Variants in NCKAP5 observed in about 807,000 individuals in gnomAD.
NCKAP5 encodes nck-associated protein 5.
A neutral mutation model predicts 167.0 loss-of-function variants in NCKAP5; 92 were observed. The ratio of observed to expected loss-of-function variants is 0.55; its 90% CI spans 0.47 to 0.66. NCKAP5 has a LOEUF of 0.66. Ranked by LOEUF, NCKAP5 falls within the 30% of genes least tolerant of loss-of-function variation. The pLI is 0.00. For synonymous variants in NCKAP5, 891 were observed against 877.4 expected (o/e 1.02, Z -0.27); for missense variants, 2,378 against 2,315.0 (o/e 1.03, Z -0.56).
chr2:133,084,335 C>T (rs1008404416), intron 6 of NCKAP5, among the ~76,000 whole-genome samples: 1 of 152,140 alleles, frequency 6.6e-6, no homozygotes, highest in Non-Finnish European at 1.5e-5. Context: ...TAGAAGTATT[C>T]ACCATGTGCA....
intron 6 of NCKAP5, among the ~76,000 whole-genome samples, chr2:133,115,128 T>A (rs2082029724): frequency 6.6e-6 from 1 of 152,116 alleles, no homozygotes; most frequent in South Asian, 2.1e-4. Context: ...CCCCTAAAGG[T>A]TTTCCTGGGG....
At chr2:132,719,968 G>C (rs778473426) in intron 19 of NCKAP5, among the ~76,000 whole-genome samples, 5 of 152,210 alleles carry the variant, frequency 3.3e-5, no homozygotes, top group Non-Finnish European at 5.9e-5. Flanking sequence ...CAGCCAGGTA[G>C]ATGAAACAGA....
intron 6 of NCKAP5, among the ~76,000 whole-genome samples, chr2:133,066,304 C>G (rs2080193737): frequency 6.6e-6 from 1 of 152,190 alleles, no homozygotes; most frequent in Non-Finnish European, 1.5e-5. Flanking sequence ...TCTTTGTTTT[C>G]AATAAGTGTT....
At chr2:133,492,333 C>T (rs1185324551) in intron 3 of NCKAP5, among the ~76,000 whole-genome samples, 3 of 152,116 alleles carry the variant, frequency 2.0e-5, no homozygotes, top group African/African-American at 4.8e-5. Context: ...TGGTACCTTA[C>T]AGTATAGTTG....
intron 5 of NCKAP5, among the ~76,000 whole-genome samples, chr2:133,141,491 G>A (rs1419280273): frequency 6.6e-6 from 1 of 151,666 alleles, no homozygotes; most frequent in African/African-American, 2.4e-5. Context: ...TTCCTTCAGT[G>A]AATGGGTATA....
chr2:133,204,213 A>G (rs905759546), intron 5 of NCKAP5, among the ~76,000 whole-genome samples: 2 of 152,136 alleles, frequency 1.3e-5, no homozygotes, highest in Non-Finnish European at 2.9e-5. Context: ...TAATTTCAGC[A>G]TTTTTATTTA....
At chr2:132,831,169 G>A (rs532087176) in intron 11 of NCKAP5, among the ~76,000 whole-genome samples, 3 of 152,270 alleles carry the variant, frequency 2.0e-5, no homozygotes, top group East Asian at 1.9e-4. Context: ...CCATCACACG[G>A]AAGAACCATT....
chr2:133,568,380 C>T lies in NCKAP5; in HGVS notation c.-294G>A, dbSNP rs1283906701. The T allele has an allele frequency of 2.0e-5, 3 of 152,194 alleles. No homozygotes were observed. 9.4% of individuals were successfully genotyped at this position (152,194 alleles called of 1,614,324 possible). On this transcript the variant is annotated 5_prime_UTR_variant, in exon 1 of 20. Coordinates refer to ENST00000409261, the MANE Select transcript of NCKAP5 (RefSeq NM_207363.3). ...GAACAGACTCGGTTTTCCTGAACAT[C>T]CACAGCGGCTGGGAAGTCCTGCCGT...
rs1573568278 is a variant in NCKAP5, at chr2:132,963,838, T to G, written c.461A>C (p.Lys154Thr). Residue 154 changes from lysine to threonine, a missense_variant, in exon 8 of 20, where the codon AAG becomes ACG. By Grantham distance (78) the Lys-to-Thr change is moderately conservative (BLOSUM62 -1). This residue lies in a region of NCKAP5 where 1,049 missense variants were observed against 1,023.4 expected (regional missense o/e 1.02). Transcript: ENST00000409261. ...CATGTGAAGATCTTCCAAAGCTTCC[T>G]TATGTTTTCTCTCTTCCTCTGACAG... The part of the protein sequence containing the change: ...EKLSEEERKH[K>T]EALEDLHMVV... 1 of 1,613,852 alleles carries G rather than the reference T, an allele frequency of 6.2e-7. No individual in the cohort carries two copies. Among genetic ancestry groups the G allele is most frequent in the East Asian group, 2.2e-5 (1 of 44,880 alleles).
At chr2:133,099,952 G>A (rs577411163) in intron 6 of NCKAP5, among the ~76,000 whole-genome samples, 17 of 152,204 alleles carry the variant, frequency 1.1e-4, no homozygotes, top group African/African-American at 3.4e-4. Flanking sequence ...AATGATCTAC[G>A]GCCCACTAGC....
chr2:132,753,604 A>G (rs1320346827), intron 16 of NCKAP5, among the ~76,000 whole-genome samples: 1 of 152,190 alleles, frequency 6.6e-6, no homozygotes, highest in African/African-American at 2.4e-5. Context: ...TTCTTATTAT[A>G]TGGTGTACCT....
intron 8 of NCKAP5, among the ~76,000 whole-genome samples, chr2:132,929,185 T>C (rs540274902): frequency 3.3e-5 from 5 of 152,280 alleles, no homozygotes; most frequent in Admixed American, 2.0e-4. Context: ...AGCACGTTGA[T>C]TTTGGATTTC....
intron 3 of NCKAP5, among the ~76,000 whole-genome samples, chr2:133,383,909 G>T (rs575291313): frequency 1.4e-4 from 21 of 152,042 alleles, no homozygotes; most frequent in African/African-American, 5.1e-4. Context: ...TTTTGATGGG[G>T]TTGTTTTTTT....
chr2:133,041,539 A>T (rs1366623828), intron 6 of NCKAP5, among the ~76,000 whole-genome samples: 1 of 152,240 alleles, frequency 6.6e-6, no homozygotes, highest in African/African-American at 2.4e-5. Context: ...AGAAATATGT[A>T]AAAATATTTG....
rs907904872 is a variant in NCKAP5, at chr2:133,251,642, T to A, written c.144-37863A>T. ...AAAGCAGAGATTTGCTATGCAATAA[T>A]AGTTCTTATTTAATAGATGTGAAGA... On this transcript the variant is annotated intron_variant, in intron 4 of 19. Transcript: ENST00000409261. Among the ~76,000 whole-genome samples the A allele has an allele frequency of 4.6e-5, 7 of 152,344 alleles. No individual in the cohort carries two copies. In the East Asian group the frequency reaches 1.3e-3, roughly 29 times the overall value.
intron 9 of NCKAP5, among the ~76,000 whole-genome samples, chr2:132,877,530 C>T (rs927873363): frequency 7.8e-4 from 119 of 152,128 alleles, no homozygotes; most frequent in Non-Finnish European, 7.4e-5. Context: ...GTAGGTCTGT[C>T]GTGGGTCCTG....
At chr2:132,881,554 C>CT (rs35545031) in intron 8 of NCKAP5, among the ~76,000 whole-genome samples, 48,129 of 126,130 alleles carry the variant, frequency 0.38, 9,633 homozygotes, top group East Asian at 0.58. Context: ...CCTTACCTTT[C>CT]TTTTTTTTTT....
chr2:133,221,923 T>C (rs1373247295), intron 4 of NCKAP5, among the ~76,000 whole-genome samples: 1 of 152,226 alleles, frequency 6.6e-6, no homozygotes, highest in East Asian at 1.9e-4. Flanking sequence ...GCCACTTTGG[T>C]GCCAGGATTT....
chr2:132,961,598 T>A (rs1013038629), intron 8 of NCKAP5, among the ~76,000 whole-genome samples: 1 of 152,204 alleles, frequency 6.6e-6, no homozygotes, highest in Non-Finnish European at 1.5e-5. Flanking sequence ...CAACTAATGC[T>A]GGAATCAAGA....
Sources: allele counts gnomAD v4.1 joint callset (sites outside exome capture counted in the v4.1 genomes callset), GRCh38; gene constraint gnomAD v4.1.1; regional missense constraint gnomAD v4.1.1; transcripts MANE v1.5; gene names NCBI Gene and HGNC (gene_info 2026-07-23, HGNC 2026-07-21).